CHKA: variants seen among roughly 807,000 people sequenced by gnomAD.
CHKA encodes the protein CHETK-alpha.
Under a neutral mutation model 60.1 loss-of-function variants are expected in CHKA, and 34 were observed. The ratio of observed to expected loss-of-function variants is 0.57; its 90% CI spans 0.43 to 0.75. The LOEUF is 0.75. CHKA is among the 30% of genes least tolerant of loss of function. The probability of loss-of-function intolerance (pLI) is 0.00; values close to 1 mark genes in which losing one functional copy is unlikely to be tolerated. For synonymous variants in CHKA, 217 were observed against 223.1 expected, an observed-to-expected ratio of 0.97 and a Z score of 0.24; for missense variants, 563 against 561.3, an observed-to-expected ratio of 1.00 and a Z score of -0.03.
Position 68,065,655 on chromosome 11 carries a change from C to T in CHKA, c.1125+131G>A, listed in dbSNP as rs574243720. 4.4e-5 allele frequency: 28 copies of T among 632,792 alleles called. No individual in the cohort carries two copies. The East Asian group carries it at 5.7e-4, about 13-fold the overall frequency. 39.2% of individuals were successfully genotyped at this position (632,792 alleles called of 1,614,324 possible). ...GGTCAAGGGTACAGTGAGCCATGAT[C>T]GCACTACTGCACTCCAGCCTGGGAA... On this transcript the variant is annotated intron_variant, in intron 9 of 11. Transcript: ENST00000265689.
chr11:68,055,274 C>T (rs1196288223), intron 11 of CHKA, among the ~76,000 whole-genome samples: 1 of 151,994 alleles, frequency 6.6e-6, no homozygotes, highest in Non-Finnish European at 1.5e-5. Flanking sequence ...CCTGTAATCC[C>T]AGCTACTCAA....
At chr11:68,055,740 C>A (rs1272878176) in intron 11 of CHKA, among the ~76,000 whole-genome samples, 1 of 152,028 alleles carries the variant, frequency 6.6e-6, no homozygotes, top group African/African-American at 2.4e-5. Flanking sequence ...CCAAATCTTC[C>A]ATCCATTTAT....
intron 1 of CHKA, among the ~76,000 whole-genome samples, chr11:68,102,657 A>T (rs1175583100): frequency 1.3e-5 from 2 of 152,180 alleles, no homozygotes; most frequent in Non-Finnish European, 2.9e-5. Flanking sequence ...AATTTTTTTT[A>T]AAAGACCTCA....
In CHKA at chr11:68,121,238, C is replaced by G; in HGVS notation, c.-61G>C. ...AGCGCGAGAGGACTAGGCTCAGAGTCCGGCCGGGCGCCCCCTCGCCGCTCT... is the reference window on the plus strand; with the variant it reads ...AGCGCGAGAGGACTAGGCTCAGAGTGCGGCCGGGCGCCCCCTCGCCGCTCT... On this transcript the variant is annotated 5_prime_UTR_variant, in exon 1 of 12. Coordinates refer to ENST00000265689, the MANE Select transcript of CHKA (RefSeq NM_001277.3). 9.3e-7 allele frequency: 1 copy of G among 1,078,638 alleles called. No homozygotes were observed. The highest frequency in any genetic ancestry group is 1.1e-6 in the Non-Finnish European group (1 of 889,810). The allele number at this position is 1,078,638 out of a possible 1,614,324, so 66.8% of individuals were successfully genotyped here.
intron 4 of CHKA, among the ~76,000 whole-genome samples, chr11:68,074,389 A>G (rs1856717851): frequency 6.6e-6 from 1 of 152,208 alleles, no homozygotes; most frequent in African/African-American, 2.4e-5. Flanking sequence ...AAGGTGTTCT[A>G]GCAGCAAGTT....
In CHKA at chr11:68,121,124, C is replaced by G. The variant is rs981121438; in HGVS notation, c.54G>C (p.Leu18=). 2.6e-5 allele frequency: 31 copies of G among 1,204,338 alleles called. No individual in the cohort carries two copies. The highest frequency in any genetic ancestry group is 3.2e-5 in the Non-Finnish European group (31 of 964,272). 74.6% of individuals were successfully genotyped at this position (1,204,338 alleles called of 1,614,324 possible). A position where few individuals can be genotyped will look rare whatever the true frequency, so the allele number is the denominator to read the frequency against. The change falls in exon 1 of 12, where the codon CTG becomes CTC. Residue 18 remains leucine, a synonymous_variant. Coordinates refer to ENST00000265689, the MANE Select transcript of CHKA (RefSeq NM_001277.3). ...CGCTGCCGCTACCGCAGCTCAGCAG[C>G]AGCCCGAGCGGCGAGGGCTCCGCCT... ...GGEAEPSPLG[L]LLSCGSGSAA...
chr11:68,053,974 A>G lies in CHKA; in HGVS notation c.*14T>C, dbSNP rs1179216739. ...TGCAGTCCAGTGATGAGGTGGATGGAGTCCTCCCCACAGTCACACCCCAAG... is the reference window on the plus strand; with the variant it reads ...TGCAGTCCAGTGATGAGGTGGATGGGGTCCTCCCCACAGTCACACCCCAAG... On this transcript the variant is annotated 3_prime_UTR_variant, in exon 12 of 12. Transcript: ENST00000265689. The G allele has an allele frequency of 1.2e-6, 2 of 1,611,428 alleles. No individual in the cohort carries two copies. The highest frequency in any genetic ancestry group is 2.2e-5 in the East Asian group (1 of 44,888).
At chr11:68,115,506 G>C (rs1244089574) in intron 1 of CHKA, among the ~76,000 whole-genome samples, 2 of 152,096 alleles carry the variant, frequency 1.3e-5, no homozygotes, top group African/African-American at 2.4e-5. Flanking sequence ...GGTTATATGG[G>C]AACTCTCTGT....
At chr11:68,075,753 T>C (rs755465955) in intron 3 of CHKA, among the ~76,000 whole-genome samples, 4 of 151,986 alleles carry the variant, frequency 2.6e-5, no homozygotes, top group African/African-American at 4.8e-5. Flanking sequence ...CTGGGCAACA[T>C]AGTGAGATGC....
At chr11:68,096,138 T>C (rs1366795473) in intron 2 of CHKA, among the ~76,000 whole-genome samples, 1 of 149,872 alleles carries the variant, frequency 6.7e-6, no homozygotes, top group African/African-American at 2.5e-5. Flanking sequence ...CCACGGCGGG[T>C]GGATCACTTG....
intron 11 of CHKA, among the ~76,000 whole-genome samples, chr11:68,061,325 C>T (rs758070411): frequency 3.9e-5 from 6 of 151,902 alleles, no homozygotes; most frequent in East Asian, 1.9e-4. Flanking sequence ...AGGATGGTCT[C>T]GAACTCCTGA....
At position 68,065,831 on chromosome 11, in the gene CHKA, A is replaced by G. The variant is rs753094302; in HGVS notation, c.1080T>C (p.Pro360=). Residue 360 remains proline (P), a synonymous_variant, in exon 9 of 12, where the codon CCT becomes CCC. Coordinates refer to ENST00000265689, the MANE Select transcript of CHKA (RefSeq NM_001277.3). ...WMYDYSYEKY[P]FFRANIRKYP... Reference sequence around the variant, plus strand: ...ACTTCCGGATGTTTGCTCTGAAAAAAGGGTATTTTTCATAGCTATAATCAT... The same window carrying G: ...ACTTCCGGATGTTTGCTCTGAAAAAGGGGTATTTTTCATAGCTATAATCAT... The G allele has an allele frequency of 1.9e-6, 3 of 1,607,762 alleles. No individual in the cohort carries two copies. In the East Asian group the frequency reaches 6.7e-5, roughly 36 times the overall value.
At chr11:68,073,803 G>A (rs776325320) in intron 4 of CHKA, among the ~76,000 whole-genome samples, 6 of 152,150 alleles carry the variant, frequency 3.9e-5, no homozygotes, top group Non-Finnish European at 7.4e-5. Context: ...GGCAGCCCTG[G>A]ACATGCCCAG....
intron 1 of CHKA, among the ~76,000 whole-genome samples, chr11:68,098,297 A>T (rs1857581675): frequency 6.6e-6 from 1 of 151,628 alleles, no homozygotes; most frequent in South Asian, 2.1e-4. Context: ...AAAAAAGAAA[A>T]AGAAAAGATA....
At chr11:68,111,678 C>G (rs1015063357) in intron 1 of CHKA, among the ~76,000 whole-genome samples, 1 of 152,126 alleles carries the variant, frequency 6.6e-6, no homozygotes, top group African/African-American at 2.4e-5. Context: ...CTCACATAGT[C>G]AACAGATCTT....
chr11:68,117,609 C>T (rs542296337), intron 1 of CHKA, among the ~76,000 whole-genome samples: 2 of 152,188 alleles, frequency 1.3e-5, no homozygotes, highest in East Asian at 3.9e-4. Flanking sequence ...ATCGCTCGAA[C>T]CCAGGAGGCA....
At chr11:68,078,907 C>CAT (rs1444359994) in intron 3 of CHKA, among the ~76,000 whole-genome samples, 1 of 151,552 alleles carries the variant, frequency 6.6e-6, no homozygotes, top group Admixed American at 6.6e-5. Context: ...CAATTCAGGT[C>CAT]ATAGTTCAGT....
intron 4 of CHKA, among the ~76,000 whole-genome samples, chr11:68,072,381 C>CA (rs945347372): frequency 5.3e-5 from 8 of 151,648 alleles, no homozygotes; most frequent in Non-Finnish European, 7.4e-5. Flanking sequence ...CCCGTCTCTA[C>CA]AAAAAAATAA....
At chr11:68,092,165 G>A (rs1279588167) in intron 2 of CHKA, among the ~76,000 whole-genome samples, 4 of 152,200 alleles carry the variant, frequency 2.6e-5, no homozygotes, top group Non-Finnish European at 5.9e-5. Context: ...AAGGAAAGCA[G>A]AAGACTTGAG....
Sources: allele counts gnomAD v4.1 joint callset (sites outside exome capture counted in the v4.1 genomes callset), GRCh38; gene constraint gnomAD v4.1.1; transcripts MANE v1.5; gene names NCBI Gene and HGNC (gene_info 2026-07-23, HGNC 2026-07-21).